CAPS2: variants seen among roughly 807,000 people sequenced by gnomAD.
CAPS2 encodes calcyphosine 2, also known as calcyphosin-2.
Under a neutral mutation model 86.5 loss-of-function variants are expected in CAPS2, and 98 were observed. The observed-to-expected ratio is 1.13, with a 90% CI of 0.96 to 1.34. CAPS2 has a LOEUF of 1.34. Among genes scored for constraint, CAPS2 ranks in the 40% most tolerant of loss-of-function variants. The pLI is 0.00. For synonymous variants in CAPS2, 210 were observed against 225.1 expected, an observed-to-expected ratio of 0.93 and a Z score of 0.60; for missense variants, 729 against 686.8, an observed-to-expected ratio of 1.06 and a Z score of -0.69.
intron 7 of CAPS2, among the ~76,000 whole-genome samples, chr12:75,308,009 G>A (rs1408763724): frequency 6.6e-6 from 1 of 152,118 alleles, no homozygotes. Context: ...TACTCCCTTT[G>A]CAACCACCCC....
rs145998837 is a variant in CAPS2 at position 75,361,425 on chromosome 12, G to T, written c.-395+29413C>A. On this transcript the variant is annotated intron_variant, in intron 1 of 5. Transcript: ENST00000551829. Reference sequence around the variant, plus strand: ...TAAACTGTCTTTGGCTTGAAGGTGGGGTTTCACCAGGAACCCAACCCTATC... The same window carrying T: ...TAAACTGTCTTTGGCTTGAAGGTGGTGTTTCACCAGGAACCCAACCCTATC... Among the ~76,000 whole-genome samples, 74 of 152,238 alleles carry T rather than the reference G, an allele frequency of 4.9e-4. 1 individual carries two copies. In the East Asian group the frequency reaches 0.012, roughly 25 times the overall value.
exon 17 of CAPS2, chr12:75,278,801 A>C: frequency 3.7e-6 from 5 of 1,355,168 alleles, no homozygotes; most frequent in Non-Finnish European, 4.8e-6. Flanking sequence ...AGTCCTAGGA[A>C]AATATATTCC....
At chr12:75,370,339 G>A (rs1014226805) in intron 1 of CAPS2, 2 of 512,768 alleles carry the variant, frequency 3.9e-6, no homozygotes, top group Non-Finnish European at 7.0e-6. Context: ...ACTGTAGTAT[G>A]GAAAATGGAT....
chr12:75,295,698 T>C (rs527341578), intron 11 of CAPS2, among the ~76,000 whole-genome samples: 1 of 152,190 alleles, frequency 6.6e-6, no homozygotes, highest in Non-Finnish European at 1.5e-5. Context: ...AGGGTAGTTA[T>C]ACCATCATGT....
At chr12:75,278,306 C>A in exon 17 of CAPS2, 1 of 983,392 alleles carries the variant, frequency 1.0e-6, no homozygotes, top group Non-Finnish European at 1.2e-6. Flanking sequence ...ATGGGGTAAA[C>A]CTCCATCATT....
At chr12:75,299,703 ATGTT>A (rs369182922) in intron 9 of CAPS2, 130 bp downstream of exon 9, 15 of 437,148 alleles carry the variant, frequency 3.4e-5, no homozygotes, top group African/African-American at 2.5e-4. Flanking sequence ...TTATTTTAAA[ATGTT>A]TGTTCTAAAT....
At chr12:75,338,189 A>C (rs774127846) in intron 1 of CAPS2, among the ~76,000 whole-genome samples, 1 of 152,196 alleles carries the variant, frequency 6.6e-6, no homozygotes, top group Non-Finnish European at 1.5e-5. Flanking sequence ...AGATGCAAAA[A>C]ATCTTCAACA....
intron 8 of CAPS2, among the ~76,000 whole-genome samples, chr12:75,301,114 C>T (rs554447677): frequency 4.6e-5 from 7 of 152,196 alleles, no homozygotes; most frequent in Non-Finnish European, 1.0e-4. Flanking sequence ...AAACACCCTA[C>T]TGCCAATAAT....
chr12:75,276,014 C>T (rs1433685153), downstream of CAPS2: 1 of 461,404 alleles, frequency 2.2e-6, no homozygotes, highest in African/African-American at 2.0e-5. Context: ...TTAAGTACAT[C>T]CAAGAAATCA....
chr12:75,343,600 A>G, intron 1 of CAPS2: 2 of 968,670 alleles, frequency 2.1e-6, no homozygotes, highest in Non-Finnish European at 3.0e-6. Flanking sequence ...TTAAAATAAT[A>G]AATTTAAGCA....
rs190037974 is a variant in CAPS2 at position 75,287,311 on chromosome 12, C to T, written c.1396-2231G>A. 1.4e-3 allele frequency among the ~76,000 whole-genome samples: 218 copies of T among 151,990 alleles called. 2 individuals carry two copies. The highest frequency in any genetic ancestry group is 5.1e-3 in the African/African-American group (211 of 41,466). On this transcript the variant is annotated intron_variant, in intron 14 of 16. Coordinates refer to ENST00000393284, the Ensembl canonical transcript of CAPS2. ...CTTCAAGGCAGGAATCGTCTCCTGC[C>T]TTTCTGTGTTGGAGCTGGCCATAAA...
chr12:75,342,245 A>G (rs992927243), intron 1 of CAPS2, among the ~76,000 whole-genome samples: 1 of 152,218 alleles, frequency 6.6e-6, no homozygotes, highest in African/African-American at 2.4e-5. Context: ...ATAAAATCAC[A>G]TAAACCTACA....
intron 1 of CAPS2, among the ~76,000 whole-genome samples, chr12:75,340,220 C>T (rs1257948842): frequency 2.7e-5 from 4 of 150,872 alleles, no homozygotes; most frequent in South Asian, 2.1e-4. Context: ...GCATTTAGAC[C>T]GTTTCCATAT....
chr12:75,284,363 A>C (rs1389151183), intron 15 of CAPS2, among the ~76,000 whole-genome samples: 1 of 152,216 alleles, frequency 6.6e-6, no homozygotes, highest in Non-Finnish European at 1.5e-5. Flanking sequence ...AGTTCTCAAA[A>C]GTATGCTATA....
chr12:75,370,420 TTTAA>T (rs1226007059), intron 1 of CAPS2: 6 of 301,312 alleles, frequency 2.0e-5, no homozygotes, highest in Middle Eastern at 1.9e-3. Flanking sequence ...TGTTCCACTC[TTTAA>T]TTTTCTAATG....
intron 5 of CAPS2, 31 bp from the exon 6 acceptor site, chr12:75,316,465 T>C (rs1356926033): frequency 9.3e-6 from 14 of 1,499,552 alleles, no homozygotes; most frequent in Admixed American, 4.7e-5. Flanking sequence ...TGAAGCATCA[T>C]ACACATATTT....
upstream of CAPS2, among the ~76,000 whole-genome samples, chr12:75,333,398 G>A (rs957995015): frequency 2.6e-5 from 4 of 151,932 alleles, no homozygotes; most frequent in Non-Finnish European, 5.9e-5. Context: ...ACATGTAGAT[G>A]TATATAACTG....
At chr12:75,373,792 TG>T in intron 1 of CAPS2, 1 of 152,104 alleles carries the variant, frequency 6.6e-6, no homozygotes, top group Non-Finnish European at 1.5e-5. Flanking sequence ...ATGGCAGGAG[TG>T]GGGGCCATGG....
At chr12:75,331,698 G>A (rs988770251), upstream of CAPS2, among the ~76,000 whole-genome samples, 51 of 150,776 alleles carry the variant, frequency 3.4e-4, no homozygotes, top group Admixed American at 3.4e-3. Flanking sequence ...CAAGTAGCTG[G>A]GACTACAGGC....
Sources: gnomAD v4.1 joint callset for allele counts (sites outside exome capture counted in the v4.1 genomes callset) on GRCh38, gnomAD v4.1.1 for gene constraint, MANE v1.5 for transcripts, NCBI Gene and HGNC (gene_info 2026-07-23, HGNC 2026-07-21) for gene names.